ABCC1: variants seen among roughly 807,000 people sequenced by gnomAD.
The protein encoded by ABCC1 is ATP binding cassette subfamily C member 1 (ABCC1 blood group), also known as multidrug resistance-associated protein 1.
ABCC1 carries 83 observed loss-of-function variants against 172.9 expected under a neutral mutation model. The observed-to-expected ratio is 0.48, with a 90% CI of 0.40 to 0.58. The LOEUF is 0.58. ABCC1 is among the 20% of genes least tolerant of loss of function. ABCC1 has a pLI of 0.00. For synonymous variants in ABCC1, 937 were observed against 825.2 expected (o/e 1.14, Z -2.32); for missense variants, 1,817 against 2,002.7 (o/e 0.91, Z 1.77).
intron 5 of ABCC1, among the ~76,000 whole-genome samples, chr16:16,020,230 C>T (rs949741678): frequency 2.0e-5 from 3 of 152,142 alleles, no homozygotes; most frequent in African/African-American, 7.2e-5. Context: ...CTGTGGTCTG[C>T]CTCTTGTGCA....
At chr16:16,089,696 G>A (rs1050379817) in intron 18 of ABCC1, among the ~76,000 whole-genome samples, 6 of 151,918 alleles carry the variant, frequency 3.9e-5, no homozygotes, top group South Asian at 4.2e-4. Flanking sequence ...ATGGTGAAAC[G>A]CCATCTCTAC....
At chr16:16,036,860 C>G (rs909177681) in intron 7 of ABCC1, among the ~76,000 whole-genome samples, 3 of 152,222 alleles carry the variant, frequency 2.0e-5, no homozygotes, top group Admixed American at 6.5e-5. Flanking sequence ...AATCCCAGCA[C>G]TTTGGGAGGC....
intron 12 of ABCC1, among the ~76,000 whole-genome samples, chr16:16,064,516 A>T (rs45494292): frequency 0.02 from 3,082 of 151,320 alleles, 121 homozygotes; most frequent in African/African-American, 0.07. Context: ...GGGCCGCATG[A>T]TGTTGTCCTG....
chr16:16,136,819 A>G (rs2045934026), intron 29 of ABCC1, among the ~76,000 whole-genome samples, 175 bp downstream of exon 29: 1 of 152,188 alleles, frequency 6.6e-6, no homozygotes, highest in South Asian at 2.1e-4. Flanking sequence ...GTCTCAATCC[A>G]GGCTCTTTGT....
chr16:16,090,624 G>A (rs756953302), intron 19 of ABCC1, 36 bp downstream of exon 19: 24 of 1,523,234 alleles, frequency 1.6e-5, no homozygotes, highest in Non-Finnish European at 2.0e-5. Flanking sequence ...CACTCAGGGT[G>A]TCTGGCACCT....
intron 1 of ABCC1, among the ~76,000 whole-genome samples, chr16:15,975,700 G>A (rs950460684): frequency 1.3e-5 from 2 of 151,754 alleles, no homozygotes; most frequent in Non-Finnish European, 2.9e-5. Flanking sequence ...GGGATTACAG[G>A]CATGCGCCAC....
intron 9 of ABCC1, among the ~76,000 whole-genome samples, chr16:16,047,408 C>T (rs967353686): frequency 1.3e-5 from 2 of 152,174 alleles, no homozygotes; most frequent in Admixed American, 6.5e-5. Flanking sequence ...CCTGCCACCT[C>T]AGCCCACCAC....
At chr16:15,983,918 G>C (rs756625185) in intron 1 of ABCC1, among the ~76,000 whole-genome samples, 18 of 152,176 alleles carry the variant, frequency 1.2e-4, no homozygotes, top group Non-Finnish European at 2.1e-4. Context: ...TATTGCTACT[G>C]TTCTGTTTCT....
intron 1 of ABCC1, among the ~76,000 whole-genome samples, chr16:15,958,338 T>A (rs557089082): frequency 6.6e-6 from 1 of 152,072 alleles, no homozygotes; most frequent in Non-Finnish European, 1.5e-5. Context: ...ATTCCTGAAC[T>A]CAAGTGGATC....
intron 18 of ABCC1, among the ~76,000 whole-genome samples, chr16:16,089,282 A>G (rs1408412060): frequency 6.6e-6 from 1 of 152,236 alleles, no homozygotes; most frequent in African/African-American, 2.4e-5. Flanking sequence ...ACGGTAGCGC[A>G]TGCCTGTAGT....
In ABCC1 at chr16:16,138,398, G is replaced by T. The variant is rs1193312377; in HGVS notation, c.4327G>T (p.Ala1443Ser). The T allele has an allele frequency of 6.2e-7, 1 of 1,604,580 alleles. No individual in the cohort carries two copies. The highest frequency in any genetic ancestry group is 8.5e-7 in the Non-Finnish European group (1 of 1,172,262). Residue 1443 changes from alanine (A) to serine (S), a missense_variant, in exon 30 of 31, where the codon GCC becomes TCC. Coordinates refer to ENST00000399410, the MANE Select transcript of ABCC1 (RefSeq NM_004996.4). ...GQRQLVCLAR[A>S]LLRKTKILVL... ...GCGCCAGCTTGTGTGCCTAGCCCGG[G>T]CCCTGCTGAGGAAGACGAAGATCCT...
chr16:15,975,355 T>C (rs559841636), intron 1 of ABCC1, among the ~76,000 whole-genome samples: 26 of 152,246 alleles, frequency 1.7e-4, no homozygotes, highest in Admixed American at 1.2e-3. Context: ...GGTTTTTTGC[T>C]GTTGTGAAAT....
intron 7 of ABCC1, among the ~76,000 whole-genome samples, chr16:16,038,842 G>A (rs760663363): frequency 1.4e-4 from 22 of 152,126 alleles, no homozygotes; most frequent in South Asian, 4.1e-4. Flanking sequence ...CATGGAAGAC[G>A]GATGCCCACC....
intron 5 of ABCC1, among the ~76,000 whole-genome samples, chr16:16,029,333 G>A (rs544462557): frequency 1.3e-5 from 2 of 151,998 alleles, no homozygotes; most frequent in South Asian, 2.1e-4. Flanking sequence ...AGCCATTCTC[G>A]TGCCTCAGCC....
intron 7 of ABCC1, among the ~76,000 whole-genome samples, chr16:16,039,551 G>A (rs2048894784): frequency 6.6e-6 from 1 of 152,062 alleles, no homozygotes; most frequent in Non-Finnish European, 1.5e-5. Flanking sequence ...TTACAGGCAT[G>A]AGCTACTGTG....
intron 19 of ABCC1, among the ~76,000 whole-genome samples, chr16:16,097,726 A>G (rs745560853): frequency 6.6e-6 from 1 of 152,018 alleles, no homozygotes; most frequent in Non-Finnish European, 1.5e-5. Context: ...TGACTTGACT[A>G]TACACTTGTC....
intron 1 of ABCC1, among the ~76,000 whole-genome samples, chr16:15,966,506 A>G (rs1311931509): frequency 1.3e-5 from 2 of 151,910 alleles, no homozygotes; most frequent in African/African-American, 2.4e-5. Flanking sequence ...GCTGTCTGGC[A>G]CTGGGAAGGG....
At chr16:16,013,874 G>C (rs1362401172) in intron 3 of ABCC1, among the ~76,000 whole-genome samples, 1 of 152,152 alleles carries the variant, frequency 6.6e-6, no homozygotes, top group Non-Finnish European at 1.5e-5. Context: ...GGGAAAACTT[G>C]AGAGTTGTGT....
rs749666752 is a variant in ABCC1, at chr16:16,074,889, C to T, written c.1913-1437C>T. On this transcript the variant is annotated intron_variant, in intron 14 of 30. Coordinates refer to ENST00000399410, the MANE Select transcript of ABCC1 (RefSeq NM_004996.4). The stretch of plus-strand genomic sequence containing the variant: ...AACAAAAAATACTCCTGTATTATCT[C>T]CAGATGGTCTTAAGGTGGCTCATAA... Among the ~76,000 whole-genome samples the T allele has an allele frequency of 5.9e-5, 9 of 152,046 alleles. 1 individual carries two copies. In the Middle Eastern group the frequency reaches 0.01, roughly 174 times the overall value.
Sources: gnomAD v4.1 joint callset for allele counts (sites outside exome capture counted in the v4.1 genomes callset) on GRCh38, gnomAD v4.1.1 for gene constraint, MANE v1.5 for transcripts, NCBI Gene and HGNC (gene_info 2026-07-23, HGNC 2026-07-21) for gene names.